Variants in PPM1L observed in about 807,000 individuals in gnomAD.
PPM1L encodes the protein protein phosphatase 1L.
A neutral mutation model predicts 31.4 loss-of-function variants in PPM1L; 13 were observed. That is an observed-to-expected ratio of 0.41 (90% CI 0.27 to 0.66). The LOEUF is 0.66. Among genes scored for constraint, PPM1L ranks in the 30% least tolerant of loss-of-function variants. PPM1L has a pLI of 0.29. For missense variants in PPM1L, 326 were observed against 453.7 expected (o/e 0.72, Z 2.56); for synonymous variants, 184 against 175.4 (o/e 1.05, Z -0.39).
Position 161,003,380 on chromosome 3 carries a change from G to T in PPM1L, c.574+41470G>T, listed in dbSNP as rs201013527. On this transcript the variant is annotated intron_variant, in intron 2 of 3. Coordinates refer to ENST00000498165, the MANE Select transcript of PPM1L (RefSeq NM_139245.4). ...GTTTTTTCCAATTCTGTGAAGAAAG[G>T]CATTGGTAGCTTGATGGGGATGGCG... Among the ~76,000 whole-genome samples, 111 of 151,984 alleles carry T rather than the reference G, an allele frequency of 7.3e-4. No individual in the cohort carries two copies. In the East Asian group the frequency reaches 0.02, roughly 28 times the overall value.
chr3:160,931,108 G>A (rs1286829210), intron 1 of PPM1L, among the ~76,000 whole-genome samples: 1 of 152,216 alleles, frequency 6.6e-6, no homozygotes. Context: ...AATTAAGACA[G>A]TAGGGGACAA....
At chr3:160,774,613 T>C (rs2108062914) in intron 1 of PPM1L, among the ~76,000 whole-genome samples, 1 of 152,356 alleles carries the variant, frequency 6.6e-6, no homozygotes, top group East Asian at 1.9e-4. Flanking sequence ...TGTTTGCCTA[T>C]GCAAAAGTCC....
intron 1 of PPM1L, among the ~76,000 whole-genome samples, chr3:160,955,136 G>T (rs1018352216): frequency 6.6e-6 from 1 of 151,626 alleles, no homozygotes; most frequent in African/African-American, 2.4e-5. Flanking sequence ...TTAGCCTCCC[G>T]AGTAGCTGGG....
intron 2 of PPM1L, among the ~76,000 whole-genome samples, chr3:160,971,933 T>C (rs1376413428): frequency 6.6e-6 from 1 of 152,064 alleles, no homozygotes; most frequent in Non-Finnish European, 1.5e-5. Context: ...CTAATTGTTA[T>C]TTGTAAAATT....
At chr3:160,876,308 T>G (rs1712508691) in intron 1 of PPM1L, among the ~76,000 whole-genome samples, 1 of 152,140 alleles carries the variant, frequency 6.6e-6, no homozygotes, top group African/African-American at 2.4e-5. Context: ...TCTGGCTTTG[T>G]GTGTATGTTT....
In PPM1L at chr3:161,007,003, C is replaced by T. The variant is rs1296648262; in HGVS notation, c.574+45093C>T. 3.9e-5 allele frequency among the ~76,000 whole-genome samples: 6 copies of T among 152,262 alleles called. No homozygotes were observed. In the East Asian group the frequency reaches 1.2e-3, roughly 29 times the overall value. ...GGCCCCCTACCTTCTTTCCTTTATG[C>T]CATTAGGAGAATGTGCCACTTGTAA... On this transcript the variant is annotated intron_variant, in intron 2 of 3. Transcript: ENST00000498165.
chr3:161,034,913 A>G (rs984796373), intron 2 of PPM1L, among the ~76,000 whole-genome samples: 2 of 149,778 alleles, frequency 1.3e-5, no homozygotes, highest in East Asian at 4.1e-4. Flanking sequence ...CATAAAAAAG[A>G]ATGAGTTCAT....
At chr3:160,966,113 T>A (rs1256984950) in intron 2 of PPM1L, among the ~76,000 whole-genome samples, 1 of 152,062 alleles carries the variant, frequency 6.6e-6, no homozygotes, top group African/African-American at 2.4e-5. Context: ...AAACCATGTG[T>A]GTGCAACCCT....
chr3:160,961,077 A>G (rs561991860), intron 1 of PPM1L, among the ~76,000 whole-genome samples: 2 of 152,276 alleles, frequency 1.3e-5, no homozygotes, highest in Admixed American at 6.5e-5. Flanking sequence ...ACAACAACAA[A>G]CTTGTCAAAG....
At chr3:161,055,866 C>A (rs566786077) in intron 2 of PPM1L, among the ~76,000 whole-genome samples, 1 of 152,198 alleles carries the variant, frequency 6.6e-6, no homozygotes, top group Non-Finnish European at 1.5e-5. Flanking sequence ...CTGCTATTAG[C>A]ATAAGCAGTC....
chr3:160,937,721 G>C (rs1032769216), intron 1 of PPM1L, among the ~76,000 whole-genome samples: 2 of 152,166 alleles, frequency 1.3e-5, no homozygotes, highest in Non-Finnish European at 2.9e-5. Flanking sequence ...GCATTTCAAT[G>C]CTTTGTACTA....
intron 2 of PPM1L, among the ~76,000 whole-genome samples, chr3:161,012,264 T>C (rs186947167): frequency 2.4e-3 from 360 of 152,332 alleles, no homozygotes; most frequent in African/African-American, 8.4e-3. Context: ...TTTCTGCATC[T>C]ATTGAGATCA....
rs1720075411 is a variant in PPM1L at position 161,075,702 on chromosome 3, T to G, written c.*6545T>G. The G allele has an allele frequency of 6.6e-6, 1 of 152,150 alleles. No individual in the cohort carries two copies. Among genetic ancestry groups the G allele is most frequent in the Admixed American group, 6.5e-5 (1 of 15,282 alleles). The allele number at this position is 152,150 out of a possible 1,614,324, so 9.4% of individuals were successfully genotyped here. On this transcript the variant is annotated 3_prime_UTR_variant, in exon 4 of 4. Coordinates refer to ENST00000498165, the MANE Select transcript of PPM1L (RefSeq NM_139245.4). The stretch of plus-strand genomic sequence containing the variant: ...GTAATATAAAAGGAAATATTTTAAA[T>G]TAAGAAAAGGAGGTGTTATAGTTTA...
rs1553748137 is a variant in PPM1L at position 160,944,802 on chromosome 3, C to CATATATGTT, written c.400-16928_400-16927insGTTATATAT. 7.3e-3 allele frequency among the ~76,000 whole-genome samples: 105 copies of CATATATGTT among 14,320 alleles called. 4 individuals are homozygous for CATATATGTT. The highest frequency in any genetic ancestry group is 0.016 in the African/African-American group (103 of 6,634). 9.4% of individuals were successfully genotyped at this position (14,320 alleles called of 152,430 possible). On this transcript the variant is annotated intron_variant, in intron 1 of 3. Transcript: ENST00000498165. ...ATTATATTATATATGTTATATATAA[C>CATATATGTT]ATATATAACATATATATGTTATATA...
intron 1 of PPM1L, among the ~76,000 whole-genome samples, chr3:160,949,369 T>A (rs12635022): frequency 6.6e-6 from 1 of 152,126 alleles, no homozygotes; most frequent in Non-Finnish European, 1.5e-5. Context: ...TATTTGAAAA[T>A]ACATTTTTAT....
At chr3:161,062,406 G>C (rs1719599039) in intron 2 of PPM1L, among the ~76,000 whole-genome samples, 1 of 152,108 alleles carries the variant, frequency 6.6e-6, no homozygotes, top group African/African-American at 2.4e-5. Flanking sequence ...TTCAAAACCA[G>C]TCTAGGCAAT....
intron 1 of PPM1L, among the ~76,000 whole-genome samples, chr3:160,930,316 T>A (rs1471047089): frequency 1.3e-5 from 2 of 151,930 alleles, no homozygotes; most frequent in African/African-American, 4.8e-5. Flanking sequence ...TGTGGGGAAT[T>A]AACTCCCTTT....
At chr3:160,916,121 C>G (rs1714170859) in intron 1 of PPM1L, among the ~76,000 whole-genome samples, 1 of 152,084 alleles carries the variant, frequency 6.6e-6, no homozygotes, top group South Asian at 2.1e-4. Flanking sequence ...AGTGAACAGG[C>G]AACCTACAGA....
chr3:161,046,803 G>A (rs539761010), intron 2 of PPM1L, among the ~76,000 whole-genome samples: 2 of 152,114 alleles, frequency 1.3e-5, no homozygotes, highest in East Asian at 1.9e-4. Flanking sequence ...ATCAATAAAC[G>A]TAATCCAGCA....
Sources: allele counts gnomAD v4.1 joint callset (sites outside exome capture counted in the v4.1 genomes callset), GRCh38; gene constraint gnomAD v4.1.1; transcripts MANE v1.5; gene names NCBI Gene and HGNC (gene_info 2026-07-23, HGNC 2026-07-21).